The following CERKL variants were observed in gnomAD, a reference collection of about 807,000 sequenced individuals.
The protein encoded by CERKL is CERK like autophagy regulator.
In CERKL, 61 loss-of-function variants were observed where a neutral mutation model predicts 63.4. The observed-to-expected ratio is 0.96, with a 90% CI of 0.78 to 1.19. CERKL has a LOEUF of 1.19. Among genes scored for constraint, CERKL ranks in the 50% most tolerant of loss-of-function variants. The pLI, the probability that CERKL is intolerant of heterozygous loss-of-function variation, is 0.00. For synonymous variants in CERKL, 250 were observed against 230.5 expected (o/e 1.08, Z -0.77); for missense variants, 675 against 655.5 (o/e 1.03, Z -0.33).
At chr2:181,588,081 T>C (rs1456044381) in intron 2 of CERKL, among the ~76,000 whole-genome samples, 1 of 152,208 alleles carries the variant, frequency 6.6e-6, no homozygotes, top group Non-Finnish European at 1.5e-5. Flanking sequence ...CCAATTTACA[T>C]ATGCATTATC....
At chr2:181,643,464 C>A (rs959537371) in intron 1 of CERKL, among the ~76,000 whole-genome samples, 1 of 152,224 alleles carries the variant, frequency 6.6e-6, no homozygotes, top group Non-Finnish European at 1.5e-5. Flanking sequence ...GCTTTTCATA[C>A]TTCAAGGTGT....
intron 3 of CERKL, among the ~76,000 whole-genome samples, chr2:181,570,997 C>G (rs142135094): frequency 1.3e-5 from 2 of 152,002 alleles, no homozygotes; most frequent in African/African-American, 4.8e-5. Flanking sequence ...AAATAAAGTA[C>G]GAATTCGATC....
chr2:181,562,771 C>G (rs1396037028), intron 4 of CERKL, among the ~76,000 whole-genome samples: 1 of 151,972 alleles, frequency 6.6e-6, no homozygotes, highest in African/African-American at 2.4e-5. Context: ...TATCTATGAA[C>G]CCATCATCTA....
chr2:181,646,806 C>CT (rs1266732772), intron 1 of CERKL, among the ~76,000 whole-genome samples: 1 of 152,204 alleles, frequency 6.6e-6, no homozygotes, highest in Non-Finnish European at 1.5e-5. Context: ...TTCTGCTAAT[C>CT]TCTGCCTGAA....
At chr2:181,567,429 A>G (rs1169193004) in intron 3 of CERKL, among the ~76,000 whole-genome samples, 2 of 152,166 alleles carry the variant, frequency 1.3e-5, no homozygotes, top group Non-Finnish European at 2.9e-5. Flanking sequence ...TTTCAGATCC[A>G]ATAATGAGCT....
chr2:181,563,020 GA>G (rs1248494010), intron 4 of CERKL, among the ~76,000 whole-genome samples: 5 of 151,970 alleles, frequency 3.3e-5, no homozygotes, highest in African/African-American at 1.2e-4. Context: ...TAATAGCGAG[GA>G]ATTCATATAT....
intron 11 of CERKL, among the ~76,000 whole-genome samples, chr2:181,543,597 A>G (rs1430590331): frequency 6.6e-6 from 1 of 152,224 alleles, no homozygotes; most frequent in Non-Finnish European, 1.5e-5. Context: ...AAGGTACATA[A>G]GCAAGGTTCA....
chr2:181,624,113 A>G (rs2105921273), intron 1 of CERKL, among the ~76,000 whole-genome samples: 1 of 152,292 alleles, frequency 6.6e-6, no homozygotes, highest in Admixed American at 6.5e-5. Flanking sequence ...GAGAGGGATA[A>G]GACATAAGAG....
intron 4 of CERKL, 29 bp downstream of exon 4, chr2:181,566,029 A>C: frequency 7.1e-7 from 1 of 1,410,606 alleles, no homozygotes; most frequent in South Asian, 1.2e-5. Flanking sequence ...TAAATGATAT[A>C]ACATATATTG....
At chr2:181,644,496 T>C (rs560816355) in intron 1 of CERKL, among the ~76,000 whole-genome samples, 8 of 152,390 alleles carry the variant, frequency 5.2e-5, no homozygotes, top group Middle Eastern at 3.4e-3. Flanking sequence ...GATGATGCTC[T>C]TTCGTAAACA....
chr2:181,629,341 C>G (rs1246445308), intron 1 of CERKL, among the ~76,000 whole-genome samples: 1 of 152,114 alleles, frequency 6.6e-6, no homozygotes, highest in East Asian at 1.9e-4. Context: ...CAGTGTTGCA[C>G]TTTTAAATGT....
rs1010489457 is a variant in CERKL, at chr2:181,627,549, G to A, written c.239-23470C>T. 4.6e-5 allele frequency among the ~76,000 whole-genome samples: 7 copies of A among 152,164 alleles called. No homozygotes were observed. In the South Asian group the frequency reaches 8.3e-4, roughly 18 times the overall value. On this transcript the variant is annotated intron_variant, in intron 1 of 12. Coordinates refer to ENST00000410087, the MANE Select transcript of CERKL (RefSeq NM_201548.5). The stretch of plus-strand genomic sequence containing the variant: ...GTACTCATCCTAAAAACTTTTAGGT[G>A]TCCTAGTCACAATGCAAAATTCTTT...
intron 2 of CERKL, among the ~76,000 whole-genome samples, chr2:181,578,969 T>A (rs2105855761): frequency 6.6e-6 from 1 of 152,090 alleles, no homozygotes; most frequent in Admixed American, 6.5e-5. Flanking sequence ...TAAGGTTTTA[T>A]CATATAGTGT....
intron 1 of CERKL, among the ~76,000 whole-genome samples, chr2:181,635,799 G>C (rs1304182358): frequency 6.6e-6 from 1 of 152,106 alleles, no homozygotes; most frequent in Non-Finnish European, 1.5e-5. Context: ...GCTTAAAATG[G>C]TATGAACAGC....
chr2:181,566,132 A>C lies in CERKL; in HGVS notation c.614-11T>G, dbSNP rs960703312. 1.0e-5 allele frequency: 16 copies of C among 1,604,750 alleles called. No homozygotes were observed. The Admixed American group carries it at 2.2e-4, about 22-fold the overall frequency. ...CTTCATATTCCATTACTATTAAAAA[A>C]ACACACACACATACACAAAGTGACA... On this transcript the variant is annotated splice_polypyrimidine_tract_variant and intron_variant, in intron 3 of 12. Transcript: ENST00000410087.
chr2:181,561,708 T>A (rs72883697), intron 4 of CERKL, among the ~76,000 whole-genome samples: 2 of 152,166 alleles, frequency 1.3e-5, no homozygotes, highest in African/African-American at 2.4e-5. Flanking sequence ...ATAAGAGATA[T>A]TGACCATCTA....
chr2:181,567,130 T>C (rs190276171), intron 3 of CERKL, among the ~76,000 whole-genome samples: 1 of 152,218 alleles, frequency 6.6e-6, no homozygotes, highest in East Asian at 1.9e-4. Flanking sequence ...TTATTCAAAA[T>C]GCCATTAACA....
At chr2:181,633,654 G>C (rs920731148) in intron 1 of CERKL, among the ~76,000 whole-genome samples, 4 of 152,160 alleles carry the variant, frequency 2.6e-5, no homozygotes, top group African/African-American at 9.7e-5. Flanking sequence ...AAAAAGAAAA[G>C]CAGAAGAGAA....
At chr2:181,555,872 C>T (rs1688181240) in intron 5 of CERKL, among the ~76,000 whole-genome samples, 1 of 151,564 alleles carries the variant, frequency 6.6e-6, no homozygotes, top group South Asian at 2.1e-4. Flanking sequence ...TCTGCCCCAG[C>T]TTCCCCAGTA....
Sources: gnomAD v4.1 joint callset for allele counts (sites outside exome capture counted in the v4.1 genomes callset) on GRCh38, gnomAD v4.1.1 for gene constraint, MANE v1.5 for transcripts, NCBI Gene and HGNC (gene_info 2026-07-23, HGNC 2026-07-21) for gene names.